Variants in PRSS55 observed in about 807,000 individuals in gnomAD.
PRSS55 encodes serine protease 55, also known as probable serine protease UNQ9391/PRO34284.
PRSS55 carries 41 observed loss-of-function variants against 23.6 expected under a neutral mutation model. The observed-to-expected ratio is 1.74, with a 90% CI of 1.35 to 2.26. The LOEUF (loss-of-function observed/expected upper bound fraction) is 2.26. Ranked by LOEUF, PRSS55 falls within the 30% of genes most tolerant of loss-of-function variation. PRSS55 has a pLI of 0.00. For synonymous variants in PRSS55, 262 were observed against 175.5 expected, an observed-to-expected ratio of 1.49 and a Z score of -3.90; for missense variants, 669 against 439.1, an observed-to-expected ratio of 1.52 and a Z score of -4.68.
At chr8:10,528,905 T>C (rs924242310) in intron 1 of PRSS55, among the ~76,000 whole-genome samples, 8 of 152,212 alleles carry the variant, frequency 5.3e-5, no homozygotes, top group African/African-American at 1.4e-4. Flanking sequence ...AAGCCAGCTA[T>C]GTTGCGTCTC....
In PRSS55 at chr8:10,525,665, C is replaced by G. The variant is rs781077926; in HGVS notation, c.80C>G (p.Ala27Gly). ...QLGPRTPLPE[A>G]GVAILGRARG... ...GGTCCACGGACTCCTCTCCCAGAGG[C>G]TGGAGTGGCTATCCTAGGCAGGGCT... Residue 27 changes from alanine (A) to glycine (G), a missense_variant, in exon 1 of 5, where the codon GCT becomes GGT. Ala to Gly is a moderately conservative substitution (Grantham distance 60). Transcript: ENST00000328655. 4 of 1,614,036 alleles carry G rather than the reference C, an allele frequency of 2.5e-6. 1 individual carries two copies. The Admixed American group carries it at 6.7e-5, about 27-fold the overall frequency.
chr8:10,538,669 G>A lies in PRSS55; in HGVS notation c.935G>A (p.Arg312Lys). The A allele has an allele frequency of 1.2e-6, 2 of 1,614,178 alleles. No individual in the cohort carries two copies. The highest frequency in any genetic ancestry group is 1.7e-5 in the Admixed American group (1 of 60,024). ...AGGCCCTTCAATGCAGAGAAAAGGA[G>A]GACTTCTGTCAAACAGAAACCTATG... ...EGRPFNAEKR[R>K]TSVKQKPMGS... Residue 312 changes from arginine to lysine, a missense_variant, in exon 5 of 5, where the codon AGG (arginine) becomes AAG (lysine). Physicochemically the swap from Arg to Lys is conservative, Grantham distance 26 (BLOSUM62 2). Transcript: ENST00000328655.
intron 2 of PRSS55, 83 bp downstream of exon 2, chr8:10,529,782 G>A (rs1026400025): frequency 2.7e-5 from 37 of 1,363,264 alleles, no homozygotes; most frequent in Non-Finnish European, 3.7e-5. Flanking sequence ...CCTGGTGGCT[G>A]AGAGGAACCT....
chr8:10,547,966 A>G (rs1156871964), intron 4 of PRSS55, among the ~76,000 whole-genome samples: 1 of 152,042 alleles, frequency 6.6e-6, no homozygotes, highest in Non-Finnish European at 1.5e-5. Flanking sequence ...ACAGGGAAGA[A>G]GGAGTGTGGG....
At chr8:10,538,154 C>G (rs1232831575) in intron 4 of PRSS55, among the ~76,000 whole-genome samples, 2 of 152,110 alleles carry the variant, frequency 1.3e-5, no homozygotes, top group East Asian at 3.9e-4. Flanking sequence ...TTTGATAAGA[C>G]CCTCAAAACA....
At chr8:10,543,000 C>G (rs1210550853), downstream of PRSS55, among the ~76,000 whole-genome samples, 2 of 152,004 alleles carry the variant, frequency 1.3e-5, no homozygotes, top group Non-Finnish European at 2.9e-5. Context: ...TGGGGGAACC[C>G]TCTTCCTTAT....
intron 2 of PRSS55, among the ~76,000 whole-genome samples, chr8:10,530,418 T>C (rs1287123357): frequency 6.6e-6 from 1 of 152,230 alleles, no homozygotes; most frequent in African/African-American, 2.4e-5. Flanking sequence ...GATGTTGCAG[T>C]GAGCCAAGAT....
downstream of PRSS55, among the ~76,000 whole-genome samples, chr8:10,543,580 C>T (rs1812732293): frequency 6.6e-6 from 1 of 151,172 alleles, no homozygotes; most frequent in African/African-American, 2.4e-5. Context: ...TTCCCCTTTC[C>T]CTTATCCTTC....
intron 4 of PRSS55, among the ~76,000 whole-genome samples, chr8:10,543,893 G>T (rs1349184407): frequency 6.6e-6 from 1 of 152,116 alleles, no homozygotes; most frequent in Non-Finnish European, 1.5e-5. Flanking sequence ...AACATACTTT[G>T]TATTATTTCA....
At chr8:10,532,470 G>A (rs1193667198) in intron 3 of PRSS55, among the ~76,000 whole-genome samples, 1 of 152,164 alleles carries the variant, frequency 6.6e-6, no homozygotes, top group Non-Finnish European at 1.5e-5. Context: ...ACCTGCCCTT[G>A]CTGAGGACCT....
At chr8:10,545,580 G>A (rs987988987) in intron 4 of PRSS55, among the ~76,000 whole-genome samples, 2 of 152,124 alleles carry the variant, frequency 1.3e-5, no homozygotes, top group East Asian at 1.9e-4. Context: ...TTCCCTACGA[G>A]ACCCAGACTT....
chr8:10,538,899 GGGACCAGGA>G (rs1812555242), downstream of PRSS55: 2 of 1,176,552 alleles, frequency 1.7e-6, no homozygotes, highest in Middle Eastern at 2.3e-4. Context: ...AATTGAGGCT[GGGACCAGGA>G]GGACCAGAGA....
intron 4 of PRSS55, among the ~76,000 whole-genome samples, chr8:10,537,768 C>T (rs1251612411): frequency 6.6e-6 from 1 of 152,104 alleles, no homozygotes; most frequent in African/African-American, 2.4e-5. Flanking sequence ...AAAAGAAAAT[C>T]CTGGGTTCCA....
At chr8:10,553,413 T>C (rs4395859) in intron 4 of PRSS55, among the ~76,000 whole-genome samples, 2,785 of 152,276 alleles carry the variant, frequency 0.018, 118 homozygotes, top group Admixed American at 0.1. Flanking sequence ...CATCAACAGA[T>C]GAATGATAAA....
chr8:10,538,741 G>C lies in PRSS55; in HGVS notation c.1007G>C (p.Trp336Ser). ...GVPEPGSPRS[W>S]LLLCPLSHVL... ...CCAGAGCCAGGCAGCCCCAGATCCT[G>C]GCTCCTGCTCTGTCCCCTGTCCCAT... is the stretch of plus-strand genomic sequence containing the variant. Residue 336 changes from tryptophan to serine, a missense_variant, in exon 5 of 5, where the codon TGG becomes TCG. By Grantham distance (177) the Trp-to-Ser change is radical. Transcript: ENST00000328655. 6.2e-7 allele frequency: 1 copy of C among 1,612,312 alleles called. No homozygotes were observed. The highest frequency in any genetic ancestry group is 8.5e-7 in the Non-Finnish European group (1 of 1,179,186).
At chr8:10,549,787 G>A (rs932248122) in intron 4 of PRSS55, among the ~76,000 whole-genome samples, 4 of 140,106 alleles carry the variant, frequency 2.9e-5, no homozygotes, top group African/African-American at 7.5e-5. Context: ...GCAGCTCCCC[G>A]CTCTGTCATT....
chr8:10,552,415 C>T (rs898632129), intron 4 of PRSS55, among the ~76,000 whole-genome samples: 1 of 152,164 alleles, frequency 6.6e-6, no homozygotes, highest in Non-Finnish European at 1.5e-5. Flanking sequence ...AGCAAAAAAT[C>T]AGACAAATGG....
intron 1 of PRSS55, among the ~76,000 whole-genome samples, chr8:10,526,454 GCCT>G (rs1179275115): frequency 6.6e-6 from 1 of 152,208 alleles, no homozygotes; most frequent in African/African-American, 2.4e-5. Flanking sequence ...GGTTCACCTG[GCCT>G]CCTTCAGTCC....
chr8:10,553,986 C>T, exon 5 of PRSS55: 3 of 1,532,424 alleles, frequency 2.0e-6, no homozygotes, highest in Admixed American at 2.0e-5. Context: ...ACCGGAAGCT[C>T]TCAAACAAAG....
Sources: gnomAD v4.1 joint callset for allele counts (sites outside exome capture counted in the v4.1 genomes callset) on GRCh38, gnomAD v4.1.1 for gene constraint, MANE v1.5 for transcripts, NCBI Gene and HGNC (gene_info 2026-07-23, HGNC 2026-07-21) for gene names.